TBC1D9: variants seen among roughly 807,000 people sequenced by gnomAD.
The protein encoded by TBC1D9 is TBC1 domain family member 9A.
A neutral mutation model predicts 132.0 loss-of-function variants in TBC1D9; 63 were observed. The ratio of observed to expected loss-of-function variants is 0.48; its 90% CI spans 0.39 to 0.59. The LOEUF (loss-of-function observed/expected upper bound fraction) is 0.59, where lower values mean the gene tolerates loss of function less well. Ranked by LOEUF, TBC1D9 falls within the 20% of genes least tolerant of loss-of-function variation. The pLI is 0.00. For synonymous variants in TBC1D9, 610 were observed against 609.9 expected (o/e 1.00, Z 0.00); for missense variants, 1,261 against 1,592.7 (o/e 0.79, Z 3.54).
chr4:140,721,322 GCTCCTAAT>G (rs1263246366), intron 1 of TBC1D9, among the ~76,000 whole-genome samples: 1 of 152,122 alleles, frequency 6.6e-6, no homozygotes, highest in Non-Finnish European at 1.5e-5. Context: ...CGCCAGGTAG[GCTCCTAAT>G]CACTTTATGT....
Position 140,667,413 on chromosome 4 carries a change from C to G in TBC1D9, c.1588+1504G>C, listed in dbSNP as rs574542909. Among the ~76,000 whole-genome samples the G allele has an allele frequency of 2.0e-5, 3 of 152,268 alleles. No individual in the cohort carries two copies. The East Asian group carries it at 5.8e-4, about 29-fold the overall frequency. Reference sequence around the variant, plus strand: ...AGCTATAAATAACTTCTAATTTGAACAAGGAGGATGAAAATGGAAATCTGT... The same window carrying G: ...AGCTATAAATAACTTCTAATTTGAAGAAGGAGGATGAAAATGGAAATCTGT... On this transcript the variant is annotated intron_variant, in intron 9 of 20. Transcript: ENST00000442267.
intron 13 of TBC1D9, among the ~76,000 whole-genome samples, chr4:140,641,661 GGAA>G (rs1221013541): frequency 6.6e-6 from 1 of 152,012 alleles, no homozygotes; most frequent in Non-Finnish European, 1.5e-5. Context: ...AGGGCGGAGA[GGAA>G]GGAAAGTGGA....
intron 1 of TBC1D9, among the ~76,000 whole-genome samples, chr4:140,723,797 T>C (rs1738458774): frequency 6.6e-6 from 1 of 152,164 alleles, no homozygotes; most frequent in African/African-American, 2.4e-5. Flanking sequence ...CTTGCTCTGT[T>C]GCCCAGACTG....
intron 1 of TBC1D9, among the ~76,000 whole-genome samples, chr4:140,733,158 C>T (rs1421737220): frequency 6.6e-6 from 1 of 152,142 alleles, no homozygotes; most frequent in South Asian, 2.1e-4. Context: ...AAGAGAACTA[C>T]ATATTTTAAA....
intron 1 of TBC1D9, among the ~76,000 whole-genome samples, chr4:140,716,556 T>TA (rs1170202189): frequency 6.6e-6 from 1 of 152,084 alleles, no homozygotes; most frequent in Non-Finnish European, 1.5e-5. Flanking sequence ...AAAAGTAGTG[T>TA]ACTAGAGTTG....
intron 15 of TBC1D9, among the ~76,000 whole-genome samples, chr4:140,636,036 C>T (rs937985735): frequency 1.3e-5 from 2 of 152,190 alleles, no homozygotes; most frequent in Non-Finnish European, 2.9e-5. Flanking sequence ...CTCCTAAGCA[C>T]CCCAAGTTGC....
At position 140,661,940 on chromosome 4, in the gene TBC1D9, C is replaced by T; in HGVS notation, c.1756G>A (p.Val586Ile). Residue 586 changes from valine (V) to isoleucine (I), a missense_variant, in exon 10 of 21, where the codon GTC becomes ATC. Coordinates refer to ENST00000442267, the MANE Select transcript of TBC1D9 (RefSeq NM_015130.3). The stretch of plus-strand genomic sequence containing the variant: ...TTTCGAAAAGCATAAGCTGTTAAGA[C>T]TCTCCTTAGTGCAGCAATGCCCATT... ...NEMGIAALRR[V>I]LTAYAFRNPN... 6.2e-7 allele frequency: 1 copy of T among 1,614,010 alleles called. No individual in the cohort carries two copies. The highest frequency in any genetic ancestry group is 8.5e-7 in the Non-Finnish European group (1 of 1,179,890).
At chr4:140,635,793 T>TTGGGACTGCATTCC (rs1388989648) in intron 15 of TBC1D9, among the ~76,000 whole-genome samples, 1 of 151,994 alleles carries the variant, frequency 6.6e-6, no homozygotes, top group African/African-American at 2.4e-5. Flanking sequence ...TCCGTGGGCT[T>TTGGGACTGCATTCC]TGGGACTGCA....
intron 18 of TBC1D9, among the ~76,000 whole-genome samples, chr4:140,625,537 G>A (rs535819463): frequency 2.0e-5 from 3 of 152,206 alleles, no homozygotes; most frequent in East Asian, 3.9e-4. Flanking sequence ...ACTGTATTAC[G>A]TGTCAAATTA....
chr4:140,748,107 C>A (rs975653510), intron 1 of TBC1D9, among the ~76,000 whole-genome samples: 1 of 151,772 alleles, frequency 6.6e-6, no homozygotes, highest in Non-Finnish European at 1.5e-5. Flanking sequence ...TAAAAGAGCT[C>A]GAGATATTTA....
intron 13 of TBC1D9, among the ~76,000 whole-genome samples, chr4:140,651,038 T>G (rs200489634): frequency 1.3e-3 from 202 of 152,346 alleles, no homozygotes; most frequent in African/African-American, 4.6e-3. Flanking sequence ...GGGAAAATAA[T>G]TCCTACCTCT....
At chr4:140,652,325 C>T (rs995907698) in intron 13 of TBC1D9, among the ~76,000 whole-genome samples, 14 of 151,786 alleles carry the variant, frequency 9.2e-5, no homozygotes, top group African/African-American at 3.1e-4. Flanking sequence ...TTCCCATATA[C>T]AACCACACTA....
chr4:140,635,650 T>C (rs1334722906), intron 15 of TBC1D9, among the ~76,000 whole-genome samples: 1 of 152,142 alleles, frequency 6.6e-6, no homozygotes, highest in Non-Finnish European at 1.5e-5. Flanking sequence ...CAATTGTTTA[T>C]TGGGAATTGT....
At chr4:140,696,488 A>G (rs908988781) in intron 2 of TBC1D9, among the ~76,000 whole-genome samples, 7 of 151,112 alleles carry the variant, frequency 4.6e-5, no homozygotes, top group African/African-American at 1.7e-4. Flanking sequence ...AAAAGATAAA[A>G]AGAGGCATAT....
chr4:140,731,730 A>G (rs1937654645), intron 1 of TBC1D9, among the ~76,000 whole-genome samples: 1 of 152,004 alleles, frequency 6.6e-6, no homozygotes, highest in Non-Finnish European at 1.5e-5. Context: ...TGCACTCACT[A>G]CAAATCTGAT....
chr4:140,688,619 T>C (rs1737825862), intron 2 of TBC1D9, among the ~76,000 whole-genome samples: 3 of 152,030 alleles, frequency 2.0e-5, no homozygotes, highest in South Asian at 4.2e-4. Flanking sequence ...CAGTGAGCCA[T>C]GATGGTGCCA....
intron 2 of TBC1D9, among the ~76,000 whole-genome samples, chr4:140,687,649 TGA>T (rs1024042946): frequency 4.6e-5 from 7 of 151,642 alleles, no homozygotes; most frequent in African/African-American, 1.5e-4. Flanking sequence ...GCTGAGAGAA[TGA>T]GAGAAAGAAA....
chr4:140,653,227 AC>A (rs1737213690), intron 13 of TBC1D9, among the ~76,000 whole-genome samples: 1 of 152,230 alleles, frequency 6.6e-6, no homozygotes, highest in Non-Finnish European at 1.5e-5. Flanking sequence ...ATTTCTAGCA[AC>A]CTAGGGAGCC....
intron 16 of TBC1D9, 92 bp from the exon 17 acceptor site, chr4:140,628,457 A>G: frequency 8.6e-7 from 1 of 1,158,756 alleles, no homozygotes. Context: ...CTTCATACAC[A>G]TTCCAACCAA....
Sources: gnomAD v4.1 joint callset for allele counts (sites outside exome capture counted in the v4.1 genomes callset) on GRCh38, gnomAD v4.1.1 for gene constraint, MANE v1.5 for transcripts, NCBI Gene and HGNC (gene_info 2026-07-23, HGNC 2026-07-21) for gene names.